Variants in PRELID2 observed in about 807,000 individuals in gnomAD.
PRELID2 encodes the protein PRELI domain-containing protein 2.
Under a neutral mutation model 28.4 loss-of-function variants are expected in PRELID2, and 25 were observed. The observed-to-expected ratio is 0.88, with a 90% CI of 0.64 to 1.23. PRELID2 has a LOEUF of 1.23. PRELID2 is among the 50% of genes most tolerant of loss of function. PRELID2 has a pLI of 0.00. For missense variants in PRELID2, 201 were observed against 214.4 expected, an observed-to-expected ratio of 0.94 and a Z score of 0.39; for synonymous variants, 76 against 71.6, an observed-to-expected ratio of 1.06 and a Z score of -0.31.
chr5:145,492,132 G>A (rs959107085), intron 1 of PRELID2, among the ~76,000 whole-genome samples: 10 of 151,984 alleles, frequency 6.6e-5, no homozygotes, highest in Non-Finnish European at 1.5e-4. Context: ...ATAATGACTG[G>A]ACTAATTTAC....
At chr5:145,728,390 G>T in intron 1 of PRELID2, 1 of 481,144 alleles carries the variant, frequency 2.1e-6, no homozygotes, top group East Asian at 4.1e-5. Context: ...TATGGCCCTG[G>T]GTAGAGCTCA....
the PRELID2 span, among the ~76,000 whole-genome samples, chr5:145,243,018 C>T: frequency 6.6e-6 from 1 of 151,978 alleles, no homozygotes; most frequent in Non-Finnish European, 1.5e-5. Context: ...GGCTAAGAGA[C>T]CTTTTTATAA....
intron 1 of PRELID2, among the ~76,000 whole-genome samples, chr5:145,615,091 G>A (rs957113040): frequency 1.3e-5 from 2 of 151,846 alleles, no homozygotes; most frequent in African/African-American, 4.8e-5. Flanking sequence ...GAGCTCCAGT[G>A]TTAGATGCAT....
chr5:145,238,908 TG>T, the PRELID2 span, among the ~76,000 whole-genome samples: 2 of 152,100 alleles, frequency 1.3e-5, no homozygotes, highest in Non-Finnish European at 2.9e-5. Context: ...CCTGCTTTAT[TG>T]AGCTAATTTC....
At chr5:145,602,983 C>T (rs527369790) in intron 1 of PRELID2, among the ~76,000 whole-genome samples, 2 of 152,088 alleles carry the variant, frequency 1.3e-5, no homozygotes, top group East Asian at 1.9e-4. Flanking sequence ...ACCCAGGAGG[C>T]GGAGGTTGCA....
Position 145,759,699 on chromosome 5 carries a change from G to A in PRELID2, c.*837C>T, listed in dbSNP as rs896956125. The A allele has an allele frequency of 3.9e-5, 6 of 152,204 alleles. No individual in the cohort carries two copies. Among genetic ancestry groups the A allele is most frequent in the Non-Finnish European group, 7.3e-5 (5 of 68,038 alleles). 9.4% of individuals were successfully genotyped at this position (152,204 alleles called of 1,614,324 possible). A position where few individuals can be genotyped will look rare whatever the true frequency, so the allele number is the denominator to read the frequency against. Reference sequence around the variant, plus strand: ...CTTGGATTCAAACCCAGGTCTGTCTGTTGACTTAAAACCCTGCACAAAATT... The same window carrying A: ...CTTGGATTCAAACCCAGGTCTGTCTATTGACTTAAAACCCTGCACAAAATT... On this transcript the variant is annotated 3_prime_UTR_variant, in exon 7 of 7. Transcript: ENST00000683046.
Position 145,490,912 on chromosome 5 carries a change from C to T in PRELID2, n.71-17597G>A, listed in dbSNP as rs78900761. Among the ~76,000 whole-genome samples the T allele has an allele frequency of 3.9e-3, 594 of 151,598 alleles. 3 individuals carry two copies. Among genetic ancestry groups the T allele is most frequent in the African/African-American group, 0.014 (569 of 41,308 alleles). On this transcript the variant is annotated intron_variant and non_coding_transcript_variant, in intron 1 of 2. Transcript: ENST00000510259. ...ACAGTCCCCACCCCCCCATCAAACC[C>T]CTAATCTAACCTACTTCATTCATTC...
the PRELID2 span, among the ~76,000 whole-genome samples, chr5:145,237,164 G>T: frequency 6.6e-6 from 1 of 152,154 alleles, no homozygotes; most frequent in Non-Finnish European, 1.5e-5. Flanking sequence ...ATGCAGCAAT[G>T]AGGAATTGCA....
At chr5:145,496,758 A>T (rs1752313433) in intron 1 of PRELID2, among the ~76,000 whole-genome samples, 1 of 151,748 alleles carries the variant, frequency 6.6e-6, no homozygotes, top group East Asian at 1.9e-4. Context: ...GTGGTCTGAA[A>T]GTTCTTTCTT....
intron 5 of PRELID2, among the ~76,000 whole-genome samples, chr5:145,785,472 C>T (rs533031279): frequency 9.2e-5 from 14 of 152,270 alleles, no homozygotes; most frequent in Middle Eastern, 3.4e-3. Context: ...ATGTATACTA[C>T]GATAGTATGA....
At chr5:145,263,770 G>A in the PRELID2 span, among the ~76,000 whole-genome samples, 10 of 150,764 alleles carry the variant, frequency 6.6e-5, no homozygotes, top group East Asian at 3.9e-4. Flanking sequence ...AGATACAACC[G>A]TTCTAGATTA....
At chr5:145,317,054 T>C in the PRELID2 span, among the ~76,000 whole-genome samples, 2 of 152,226 alleles carry the variant, frequency 1.3e-5, no homozygotes, top group Non-Finnish European at 2.9e-5. Context: ...AAATGGTTTC[T>C]AGCTGGAAGA....
chr5:145,291,337 G>GAAAA, the PRELID2 span, among the ~76,000 whole-genome samples: 53 of 41,724 alleles, frequency 1.3e-3, no homozygotes, highest in African/African-American at 4.0e-3. Flanking sequence ...CTCTGTTTCA[G>GAAAA]AAAAAAAAAA....
At chr5:145,371,006 G>C in the PRELID2 span, among the ~76,000 whole-genome samples, 1 of 152,024 alleles carries the variant, frequency 6.6e-6, no homozygotes, top group Non-Finnish European at 1.5e-5. Context: ...CCAGTTTAAG[G>C]AGTTTTGGAA....
intron 1 of PRELID2, among the ~76,000 whole-genome samples, chr5:145,528,354 A>G (rs999566895): frequency 2.0e-5 from 3 of 152,136 alleles, no homozygotes; most frequent in Non-Finnish European, 2.9e-5. Context: ...ATACTCAGTA[A>G]CTATTTGTTG....
intron 1 of PRELID2, among the ~76,000 whole-genome samples, chr5:145,579,473 G>A (rs752563813): frequency 1.3e-5 from 2 of 151,942 alleles, no homozygotes; most frequent in Non-Finnish European, 2.9e-5. Context: ...TGTATTTTCT[G>A]GCCCATTGAA....
chr5:145,528,643 C>G (rs1332390231), intron 1 of PRELID2, among the ~76,000 whole-genome samples: 2 of 151,178 alleles, frequency 1.3e-5, no homozygotes, highest in Non-Finnish European at 2.9e-5. Flanking sequence ...GAGCCATAGA[C>G]AATCAAAATG....
Position 145,574,776 on chromosome 5 carries a change from C to A in PRELID2, n.71-101461G>T, listed in dbSNP as rs149266004. On this transcript the variant is annotated intron_variant and non_coding_transcript_variant, in intron 1 of 2. Coordinates refer to the PRELID2 transcript ENST00000510259. ...AAAATGCTGTCACATTCGCATATAA[C>A]CTGTGTATATCCTCCTGTATACTAT... Among the ~76,000 whole-genome samples, 66 of 152,264 alleles carry A rather than the reference C, an allele frequency of 4.3e-4. 1 individual carries two copies. The highest frequency in any genetic ancestry group is 1.5e-3 in the African/African-American group (63 of 41,550).
the PRELID2 span, among the ~76,000 whole-genome samples, chr5:145,425,788 A>C: frequency 6.6e-6 from 1 of 152,096 alleles, no homozygotes; most frequent in Non-Finnish European, 1.5e-5. Flanking sequence ...ACGATGGCAC[A>C]CATTTAACTA....
Sources: gnomAD v4.1 joint callset for allele counts (sites outside exome capture counted in the v4.1 genomes callset) on GRCh38, gnomAD v4.1.1 for gene constraint, MANE v1.5 for transcripts, NCBI Gene and HGNC (gene_info 2026-07-23, HGNC 2026-07-21) for gene names.